SNTG1: variants seen among roughly 807,000 people sequenced by gnomAD.
The protein encoded by SNTG1 is gamma-1-syntrophin.
Under a neutral mutation model 74.7 loss-of-function variants are expected in SNTG1, and 39 were observed. That is an observed-to-expected ratio of 0.52 (90% CI 0.40 to 0.68). The LOEUF is 0.68. Ranked by LOEUF, SNTG1 falls within the 30% of genes least tolerant of loss-of-function variation. The pLI is 0.00. For synonymous variants in SNTG1, 254 were observed against 217.1 expected, an observed-to-expected ratio of 1.17 and a Z score of -1.49; for missense variants, 685 against 609.5, an observed-to-expected ratio of 1.12 and a Z score of -1.30.
At chr8:50,506,258 G>GT (rs2094005625) in intron 9 of SNTG1, among the ~76,000 whole-genome samples, 1 of 151,986 alleles carries the variant, frequency 6.6e-6, no homozygotes, top group South Asian at 2.1e-4. Context: ...GCTTTGTAAT[G>GT]TATCTTGAGT....
intron 17 of SNTG1, among the ~76,000 whole-genome samples, chr8:50,714,779 A>T (rs1220040623): frequency 1.3e-5 from 2 of 152,142 alleles, no homozygotes; most frequent in East Asian, 3.9e-4. Context: ...GGTCCAGCAC[A>T]GGCTCAACCA....
At chr8:49,952,970 G>A (rs1019743681) in intron 1 of SNTG1, among the ~76,000 whole-genome samples, 2 of 152,196 alleles carry the variant, frequency 1.3e-5, no homozygotes, top group African/African-American at 4.8e-5. Flanking sequence ...GTACGTTCAT[G>A]TAGATAAATT....
chr8:50,597,445 T>C (rs2094738775), intron 13 of SNTG1, among the ~76,000 whole-genome samples: 1 of 147,052 alleles, frequency 6.8e-6, no homozygotes. Context: ...CACATGTTCT[T>C]TATTCATTCA....
At chr8:50,427,783 G>T (rs942510017) in intron 4 of SNTG1, among the ~76,000 whole-genome samples, 1 of 152,172 alleles carries the variant, frequency 6.6e-6, no homozygotes, top group Non-Finnish European at 1.5e-5. Flanking sequence ...TTACTCAATT[G>T]TTCTTTCTAT....
chr8:50,073,780 T>C (rs551914541), intron 1 of SNTG1, among the ~76,000 whole-genome samples: 117 of 152,150 alleles, frequency 7.7e-4, no homozygotes, highest in African/African-American at 2.7e-3. Context: ...GCATTATCAA[T>C]AGCAGTCTGC....
chr8:49,940,368 A>G (rs772610448), intron 1 of SNTG1, among the ~76,000 whole-genome samples: 1 of 152,156 alleles, frequency 6.6e-6, no homozygotes, highest in African/African-American at 2.4e-5. Context: ...GCTTAGCGAA[A>G]AAGTAGATTT....
chr8:50,222,474 T>A (rs957804456), intron 2 of SNTG1, among the ~76,000 whole-genome samples: 4 of 152,226 alleles, frequency 2.6e-5, no homozygotes, highest in African/African-American at 9.6e-5. Flanking sequence ...CATATCATTT[T>A]TTGGTGTGTT....
chr8:50,719,426 T>C (rs1473158552), intron 17 of SNTG1, among the ~76,000 whole-genome samples: 3 of 152,140 alleles, frequency 2.0e-5, no homozygotes, highest in Admixed American at 2.0e-4. Context: ...AGACACCAAA[T>C]CTGCCAGCAC....
chr8:50,691,455 G>A (rs983370028), intron 15 of SNTG1, among the ~76,000 whole-genome samples: 1 of 152,084 alleles, frequency 6.6e-6, no homozygotes, highest in East Asian at 1.9e-4. Context: ...TGGTGACAAA[G>A]TCTCTCAGCA....
intron 1 of SNTG1, among the ~76,000 whole-genome samples, chr8:50,145,875 G>C (rs60649237): frequency 0.1 from 15,482 of 150,914 alleles, 2,610 homozygotes; most frequent in African/African-American, 0.35. Flanking sequence ...ACATTTAAAG[G>C]GGAAATAATA....
intron 8 of SNTG1, among the ~76,000 whole-genome samples, chr8:50,494,423 A>T (rs906638248): frequency 6.6e-6 from 1 of 151,980 alleles, no homozygotes; most frequent in African/African-American, 2.4e-5. Flanking sequence ...AATTTACTTT[A>T]ATAAAATGGT....
At chr8:50,373,899 T>A (rs750748458) in intron 2 of SNTG1, among the ~76,000 whole-genome samples, 12 of 152,170 alleles carry the variant, frequency 7.9e-5, no homozygotes, top group Non-Finnish European at 1.6e-4. Flanking sequence ...CCAACACCTT[T>A]ACTCCACTGT....
chr8:50,302,148 C>T (rs530375994), intron 2 of SNTG1, among the ~76,000 whole-genome samples: 1 of 152,168 alleles, frequency 6.6e-6, no homozygotes, highest in African/African-American at 2.4e-5. Flanking sequence ...TTGAGTGACA[C>T]TTTGCTGACA....
chr8:50,561,740 G>T (rs544629552), intron 12 of SNTG1, among the ~76,000 whole-genome samples: 4 of 152,244 alleles, frequency 2.6e-5, no homozygotes, highest in South Asian at 4.1e-4. Flanking sequence ...ATCAGAAGAA[G>T]AAAATAAAAT....
At chr8:50,513,744 G>C (rs566583720) in intron 9 of SNTG1, among the ~76,000 whole-genome samples, 3 of 152,212 alleles carry the variant, frequency 2.0e-5, no homozygotes, top group Non-Finnish European at 2.9e-5. Context: ...CTGGTGTGCC[G>C]TTTGCTAAGA....
intron 1 of SNTG1, among the ~76,000 whole-genome samples, chr8:49,968,759 G>C (rs1178854357): frequency 6.6e-6 from 1 of 152,112 alleles, no homozygotes; most frequent in East Asian, 1.9e-4. Flanking sequence ...AGGCAAGCAA[G>C]AAGCCATTTA....
chr8:50,009,874 C>T (rs1185069198), intron 1 of SNTG1, among the ~76,000 whole-genome samples: 4 of 152,082 alleles, frequency 2.6e-5, no homozygotes, highest in Non-Finnish European at 5.9e-5. Context: ...TGATGCATGC[C>T]TGTAGCCCCA....
At chr8:50,635,575 A>G (rs1360708387) in intron 13 of SNTG1, among the ~76,000 whole-genome samples, 1 of 152,186 alleles carries the variant, frequency 6.6e-6, no homozygotes, top group Admixed American at 6.5e-5. Flanking sequence ...CACCATCACC[A>G]GAGGCCCACA....
intron 8 of SNTG1, among the ~76,000 whole-genome samples, chr8:50,480,269 T>C (rs1444653951): frequency 6.6e-6 from 1 of 152,028 alleles, no homozygotes; most frequent in Non-Finnish European, 1.5e-5. Flanking sequence ...CATCGTCTTT[T>C]TCTTTTTTGA....
Sources: allele counts gnomAD v4.1 joint callset (sites outside exome capture counted in the v4.1 genomes callset), GRCh38; gene constraint gnomAD v4.1.1; transcripts MANE v1.5; gene names NCBI Gene and HGNC (gene_info 2026-07-23, HGNC 2026-07-21).